Variants in RELN observed in about 807,000 individuals in gnomAD.
The protein encoded by RELN is reelin.
A neutral mutation model predicts 427.6 loss-of-function variants in RELN; 108 were observed. The ratio of observed to expected loss-of-function variants is 0.25; its 90% CI spans 0.22 to 0.30. RELN has a LOEUF of 0.30. RELN is among the 10% of genes least tolerant of loss of function. The pLI is 1.00. For synonymous variants in RELN, 1,524 were observed against 1,513.4 expected, an observed-to-expected ratio of 1.01 and a Z score of -0.16; for missense variants, 3,715 against 4,302.8, an observed-to-expected ratio of 0.86 and a Z score of 3.82.
intron 3 of RELN, among the ~76,000 whole-genome samples, chr7:103,793,607 G>C (rs1466740458): frequency 1.3e-5 from 2 of 152,174 alleles, no homozygotes; most frequent in East Asian, 3.8e-4. Flanking sequence ...AATAGTAAAA[G>C]TTCCAGCACA....
rs1563084747 is a variant in RELN at position 103,909,699 on chromosome 7, TTA to T, written c.337+7374_337+7375del. Among the ~76,000 whole-genome samples the T allele has an allele frequency of 4.5e-3, 266 of 59,612 alleles. 76 individuals carry two copies. The highest frequency in any genetic ancestry group is 0.025 in the African/African-American group (256 of 10,382). 39.1% of individuals were successfully genotyped at this position (59,612 alleles called of 152,430 possible). On this transcript the variant is annotated intron_variant, in intron 2 of 64. Coordinates refer to ENST00000428762, the MANE Select transcript of RELN (RefSeq NM_005045.4). Reference sequence around the variant, plus strand: ...AAATATATTTAATAAATATATATATTTAATATATATAAATATATATTAAATAT... The same window carrying T: ...AAATATATTTAATAAATATATATATTATATATATAAATATATATTAAATAT...
chr7:103,574,358 T>C, intron 29 of RELN, 59 bp from the exon 30 acceptor site: 1 of 1,404,994 alleles, frequency 7.1e-7, no homozygotes, highest in Non-Finnish European at 1.0e-6. Context: ...AAACGAGGTC[T>C]ATTCAACACA....
rs200007970 is a variant in RELN at position 103,631,232 on chromosome 7, C to CAT, written c.2466-1057_2466-1056insAT. Among the ~76,000 whole-genome samples, 19 of 141,906 alleles carry CAT rather than the reference C, an allele frequency of 1.3e-4. No homozygotes were observed. The East Asian group carries it at 3.6e-3, about 27-fold the overall frequency. The allele number at this position is 141,906 out of a possible 152,430, so 93.1% of individuals were successfully genotyped here. A position where few individuals can be genotyped will look rare whatever the true frequency, so the allele number is the denominator to read the frequency against. ...TTTCCAATAGAAGAAAACATATTTTCTAAATAAAGGAAAATCCATATGCAA... is the reference window on the plus strand; with the variant it reads ...TTTCCAATAGAAGAAAACATATTTTCATTAAATAAAGGAAAATCCATATGCAA... On this transcript the variant is annotated intron_variant, in intron 19 of 64. Transcript: ENST00000428762.
chr7:103,714,514 G>C (rs1789888234), intron 8 of RELN, among the ~76,000 whole-genome samples: 1 of 152,180 alleles, frequency 6.6e-6, no homozygotes, highest in Admixed American at 6.5e-5. Context: ...TGCCTGGTTG[G>C]TATGCTCTCC....
At chr7:103,704,128 T>C (rs146373533) in intron 8 of RELN, among the ~76,000 whole-genome samples, 22 of 152,322 alleles carry the variant, frequency 1.4e-4, no homozygotes, top group African/African-American at 5.0e-4. Context: ...GTCTTGGTTA[T>C]CAATTCTTGA....
intron 3 of RELN, among the ~76,000 whole-genome samples, chr7:103,826,783 A>G (rs941390770): frequency 6.6e-6 from 1 of 152,100 alleles, no homozygotes; most frequent in Admixed American, 6.6e-5. Context: ...AATATTTTAG[A>G]TTTACTGACT....
At chr7:103,554,119 TGA>T (rs1830473742) in intron 38 of RELN, among the ~76,000 whole-genome samples, 1 of 150,238 alleles carries the variant, frequency 6.7e-6, no homozygotes, top group Admixed American at 6.6e-5. Context: ...TCCAGGAGTT[TGA>T]GGTTACAGTG....
At chr7:103,731,340 C>T (rs749892349) in intron 6 of RELN, among the ~76,000 whole-genome samples, 1 of 152,096 alleles carries the variant, frequency 6.6e-6, no homozygotes, top group African/African-American at 2.4e-5. Flanking sequence ...GATGGAACCA[C>T]ATTGGTCCAT....
At chr7:103,951,903 C>T (rs187951720) in intron 1 of RELN, among the ~76,000 whole-genome samples, 1 of 152,224 alleles carries the variant, frequency 6.6e-6, no homozygotes, top group Non-Finnish European at 1.5e-5. Flanking sequence ...AAACTCCTGA[C>T]CTCAGGTGAT....
intron 3 of RELN, among the ~76,000 whole-genome samples, chr7:103,830,197 C>T (rs1199772198): frequency 6.6e-6 from 1 of 151,882 alleles, no homozygotes; most frequent in Admixed American, 6.6e-5. Context: ...TCATTATTAG[C>T]TACTAACAAA....
chr7:103,695,365 G>C (rs1332118622), intron 10 of RELN, among the ~76,000 whole-genome samples: 1 of 152,022 alleles, frequency 6.6e-6, no homozygotes, highest in South Asian at 2.1e-4. Context: ...CCAAGTCAAA[G>C]ATAATGTTAT....
chr7:103,964,999 T>C (rs2116801682), intron 1 of RELN, among the ~76,000 whole-genome samples: 1 of 152,344 alleles, frequency 6.6e-6, no homozygotes, highest in South Asian at 2.1e-4. Context: ...AGAATCATTG[T>C]GAGGAAGAAA....
At position 103,522,047 on chromosome 7, in the gene RELN, G is replaced by A. The variant is rs139106600; in HGVS notation, c.7643C>T (p.Ser2548Leu). 9.9e-6 allele frequency: 16 copies of A among 1,613,938 alleles called. No individual in the cohort carries two copies. The highest frequency in any genetic ancestry group is 8.0e-5 in the African/African-American group (6 of 74,894). Residue 2548 changes from serine (S) to leucine (L), a missense_variant, in exon 48 of 65, where the codon TCG becomes TTG. Physicochemically the swap from Ser to Leu is moderately radical, Grantham distance 145. This residue lies in a region of RELN where 1,310 missense variants were observed against 1,643.0 expected (regional missense o/e 0.80). Coordinates refer to ENST00000428762, the MANE Select transcript of RELN (RefSeq NM_005045.4). ...KLSTVCGAVA[S>L]GMALHFSGGC... ...CCCACTGAAATGGAGAGCCATTCCCGACGCCACGGCTCCACACACTGTACT... is the reference window on the plus strand; with the variant it reads ...CCCACTGAAATGGAGAGCCATTCCCAACGCCACGGCTCCACACACTGTACT...
chr7:103,971,748 G>A (rs1392014075), intron 1 of RELN, among the ~76,000 whole-genome samples: 1 of 152,084 alleles, frequency 6.6e-6, no homozygotes, highest in African/African-American at 2.4e-5. Context: ...AAGTATTTGA[G>A]CATCACTGAA....
At chr7:103,899,374 C>A (rs1413038630) in intron 2 of RELN, among the ~76,000 whole-genome samples, 1 of 152,154 alleles carries the variant, frequency 6.6e-6, no homozygotes, top group African/African-American at 2.4e-5. Context: ...CAACGAGGAA[C>A]TGGTACCATT....
chr7:103,774,316 T>A (rs914801441), intron 4 of RELN, among the ~76,000 whole-genome samples: 3 of 139,736 alleles, frequency 2.1e-5, no homozygotes, highest in East Asian at 2.1e-4. Context: ...AAAAAAAAAA[T>A]ACTTTCAATG....
At chr7:103,668,390 A>G (rs1833318601) in intron 11 of RELN, among the ~76,000 whole-genome samples, 1 of 152,174 alleles carries the variant, frequency 6.6e-6, no homozygotes, top group Admixed American at 6.5e-5. Flanking sequence ...TGCCATGTCT[A>G]ATTTGGCCTT....
chr7:103,665,749 C>T (rs1170255984), intron 11 of RELN, among the ~76,000 whole-genome samples: 1 of 151,980 alleles, frequency 6.6e-6, no homozygotes. Flanking sequence ...GGATTCAAAC[C>T]TTTAATCAGG....
chr7:103,563,061 A>C lies in RELN; in HGVS notation c.5211-1108T>G, dbSNP rs1562892912. 6.6e-6 allele frequency among the ~76,000 whole-genome samples: 1 copy of C among 152,168 alleles called. No individual in the cohort carries two copies. The highest frequency in any genetic ancestry group is 1.5e-5 in the Non-Finnish European group (1 of 68,024). On this transcript the variant is annotated intron_variant, in intron 34 of 64. Transcript: ENST00000428762. This position sits in a 1 kb window ranked among gnomAD's most constrained non-coding sequence, Gnocchi z 4.1. ...TCCTGGATAAGCCCTACTCAGAGTC[A>C]GCTGAGACATCAACTCCTTCAGAAA...
Sources: gnomAD v4.1 joint callset for allele counts (sites outside exome capture counted in the v4.1 genomes callset) on GRCh38, gnomAD v4.1.1 for gene constraint, gnomAD v4.1.1 regional missense constraint, Gnocchi (gnomAD v3.1) non-coding constraint, MANE v1.5 for transcripts, NCBI Gene and HGNC (gene_info 2026-07-23, HGNC 2026-07-21) for gene names.